Variants in KDM1B observed in about 807,000 individuals in gnomAD.
The protein encoded by KDM1B is lysine-specific histone demethylase 2.
In KDM1B, 63 loss-of-function variants were observed where a neutral mutation model predicts 107.4. The ratio of observed to expected loss-of-function variants is 0.59; its 90% CI spans 0.48 to 0.72. The LOEUF is 0.72. KDM1B is among the 30% of genes least tolerant of loss of function. KDM1B has a pLI of 0.00. For synonymous variants in KDM1B, 363 were observed against 363.9 expected (o/e 1.00, Z 0.03); for missense variants, 749 against 1,020.8 (o/e 0.73, Z 3.63).
intron 5 of KDM1B, among the ~76,000 whole-genome samples, chr6:18,164,622 C>T (rs376762740): frequency 6.6e-6 from 1 of 151,970 alleles, no homozygotes; most frequent in African/African-American, 2.4e-5. Context: ...TGTTTCTTTA[C>T]TTTTTACCTT....
At chr6:18,189,773 A>G (rs967253401) in intron 9 of KDM1B, among the ~76,000 whole-genome samples, 2 of 152,216 alleles carry the variant, frequency 1.3e-5, no homozygotes, top group African/African-American at 4.8e-5. Flanking sequence ...ATGTAACTCC[A>G]CTACTGACAT....
At chr6:18,158,034 C>T (rs12212263) in intron 2 of KDM1B, among the ~76,000 whole-genome samples, 47,421 of 151,638 alleles carry the variant, frequency 0.31, 7,973 homozygotes, top group East Asian at 0.52. Context: ...AGGATGGTCT[C>T]GATCTCCTGA....
In KDM1B at chr6:18,172,784, T is replaced by C. The variant is rs1313617580; in HGVS notation, c.534+1305T>C. 6.6e-6 allele frequency among the ~76,000 whole-genome samples: 1 copy of C among 152,130 alleles called. No individual in the cohort carries two copies. Among genetic ancestry groups the C allele is most frequent in the Admixed American group, 6.6e-5 (1 of 15,246 alleles). On this transcript the variant is annotated intron_variant, in intron 7 of 21. Transcript: ENST00000650836. The surrounding 1 kb of genome is among the most constrained non-coding windows in gnomAD (Gnocchi z 5.2). ...TTCTGTGCCTGGCCTATTCGTTTCT[T>C]ATGAATAAAAACATATTAGGAGTGG...
chr6:18,188,481 T>C (rs1409029500), intron 9 of KDM1B, among the ~76,000 whole-genome samples: 1 of 152,216 alleles, frequency 6.6e-6, no homozygotes, highest in East Asian at 1.9e-4. Flanking sequence ...GAAAAGGTTT[T>C]CAACTATATG....
At chr6:18,207,590 G>T (rs772218167) in intron 16 of KDM1B, 61 bp downstream of exon 16, 2 of 1,601,858 alleles carry the variant, frequency 1.2e-6, no homozygotes, top group Non-Finnish European at 1.7e-6. Context: ...TGAAGTTCTG[G>T]GCATGCGGCT....
At chr6:18,182,546 CT>C (rs113769690) in intron 7 of KDM1B, among the ~76,000 whole-genome samples, 7 of 148,922 alleles carry the variant, frequency 4.7e-5, no homozygotes, top group Admixed American at 2.7e-4. Context: ...TTATTTCATT[CT>C]TTTTTTTTTG....
At chr6:18,188,038 C>T (rs1174081030) in intron 9 of KDM1B, 36 bp downstream of exon 9, 2 of 1,511,084 alleles carry the variant, frequency 1.3e-6, no homozygotes, top group African/African-American at 1.4e-5. Flanking sequence ...GCTTTCTATT[C>T]CCCGCTCCCC....
chr6:18,205,625 C>T lies in KDM1B; in HGVS notation c.1620C>T (p.Leu540=), dbSNP rs1788312340. The T allele has an allele frequency of 6.5e-7, 1 of 1,538,146 alleles. No homozygotes were observed. Among genetic ancestry groups the T allele is most frequent in the East Asian group, 2.5e-5 (1 of 40,106 alleles). The change falls in exon 15 of 22, where the codon CTC becomes CTT. Residue 540 remains leucine (L), a synonymous_variant. Coordinates refer to ENST00000650836, the MANE Select transcript of KDM1B (RefSeq NM_001364614.2). This position sits in a 1 kb window ranked among gnomAD's most constrained non-coding sequence, Gnocchi z 5.7. The stretch of plus-strand genomic sequence containing the variant: ...AGGGACAGGTGCTTCAGTTCCATCT[C>T]AGTAACCTGGAGTACGCCTGTGGCA... The part of the protein sequence containing the change: ...ELEGQVLQFH[L]SNLEYACGSN...
chr6:18,170,409 A>G (rs912535522), intron 6 of KDM1B, among the ~76,000 whole-genome samples: 17 of 152,168 alleles, frequency 1.1e-4, no homozygotes, highest in African/African-American at 3.6e-4. Context: ...TCTAGGATCC[A>G]ACGCAGCATA....
At chr6:18,210,659 G>A (rs986531653) in intron 17 of KDM1B, among the ~76,000 whole-genome samples, 1 of 151,900 alleles carries the variant, frequency 6.6e-6, no homozygotes, top group Admixed American at 6.6e-5. Context: ...CTGCACCTGG[G>A]CTACTCAAGT....
In KDM1B at chr6:18,200,565, A is replaced by G. The variant is rs553888880; in HGVS notation, c.1348A>G (p.Met450Val). The change falls in exon 13 of 22, where the codon ATG becomes GTG. Residue 450 changes from methionine to valine, a missense_variant. Coordinates refer to ENST00000650836, the MANE Select transcript of KDM1B (RefSeq NM_001364614.2). This position sits in a 1 kb window ranked among gnomAD's most constrained non-coding sequence, Gnocchi z 4.3. ...NGCINNPVAL[M>V]CEQLGISMHK... ...GTGTATTAACAACCCAGTAGCATTA[A>G]TGTGTGAACAAGTGAGTTTCTTTTA... is the stretch of plus-strand genomic sequence containing the variant. 44 of 1,611,428 alleles carry G rather than the reference A, an allele frequency of 2.7e-5. No homozygotes were observed. In the South Asian group the frequency reaches 4.7e-4, roughly 17 times the overall value.
rs533016543 is a variant in KDM1B, at chr6:18,210,342, C to CTTTTTTTTTTTTTT, written c.1867-2129_1867-2116dup. ...TCTTTCTTTTTTTTCTCTTTCTTTT[C>CTTTTTTTTTTTTTT]TTTTTTTTTTTTTTTTTTTTTTTTT... is the stretch of plus-strand genomic sequence containing the variant. On this transcript the variant is annotated intron_variant, in intron 17 of 21. Coordinates refer to ENST00000650836, the MANE Select transcript of KDM1B (RefSeq NM_001364614.2). Among the ~76,000 whole-genome samples the CTTTTTTTTTTTTTT allele has an allele frequency of 5.0e-3, 346 of 69,800 alleles. 15 individuals are homozygous for CTTTTTTTTTTTTTT. The highest frequency in any genetic ancestry group is 6.4e-3 in the Non-Finnish European group (216 of 33,874). The allele number at this position is 69,800 out of a possible 152,430, so 45.8% of individuals were successfully genotyped here.
chr6:18,167,744 G>T (rs952657884), intron 6 of KDM1B, among the ~76,000 whole-genome samples: 3 of 152,000 alleles, frequency 2.0e-5, no homozygotes, highest in Admixed American at 6.6e-5. Flanking sequence ...ACAGTGCTGG[G>T]ATTACAGACA....
At chr6:18,217,381 T>C (rs1262667972) in intron 20 of KDM1B, among the ~76,000 whole-genome samples, 1 of 146,920 alleles carries the variant, frequency 6.8e-6, no homozygotes, top group Non-Finnish European at 1.5e-5. Context: ...CTCCCTTCTT[T>C]TTTTTTTTTT....
rs116538237 is a variant in KDM1B at position 18,191,979 on chromosome 6, C to T, written c.969+598C>T. Among the ~76,000 whole-genome samples the T allele has an allele frequency of 0.038, 5,743 of 152,218 alleles. 121 individuals are homozygous for T. Among genetic ancestry groups the T allele is most frequent in the Middle Eastern group, 0.068 (20 of 294 alleles). ...TAGCTAAAAACAAAAAACAAAGGGG[C>T]TGGGTGAAGTGGCTTGTGTCTGTAA... On this transcript the variant is annotated intron_variant, in intron 10 of 21. Transcript: ENST00000650836. This position sits in a 1 kb window ranked among gnomAD's most constrained non-coding sequence, Gnocchi z 5.1.
At chr6:18,166,546 T>A (rs1215633414) in intron 6 of KDM1B, among the ~76,000 whole-genome samples, 168 bp downstream of exon 6, 1 of 152,178 alleles carries the variant, frequency 6.6e-6, no homozygotes, top group East Asian at 1.9e-4. Flanking sequence ...TTCAACATAG[T>A]ATAAAAGAGG....
intron 21 of KDM1B, among the ~76,000 whole-genome samples, chr6:18,220,206 G>C (rs1366785500): frequency 6.6e-6 from 1 of 152,198 alleles, no homozygotes; most frequent in African/African-American, 2.4e-5. Context: ...ATATGGTTTA[G>C]AAGTACACGT....
At position 18,213,631 on chromosome 6, in the gene KDM1B, C is replaced by G. The variant is rs1393953661; in HGVS notation, c.1984-25C>G. 1.2e-6 allele frequency: 2 copies of G among 1,613,388 alleles called. No individual in the cohort carries two copies. The highest frequency in any genetic ancestry group is 1.7e-6 in the Non-Finnish European group (2 of 1,179,492). The stretch of plus-strand genomic sequence containing the variant: ...GGTTTTGTGACGACAGACACCTAAC[C>G]ACCTTTCTTCTGCTCACTTTGCAGA... On this transcript the variant is annotated intron_variant, in intron 18 of 21. Transcript: ENST00000650836. The surrounding 1 kb of genome is among the most constrained non-coding windows in gnomAD (Gnocchi z 5.9).
At chr6:18,178,960 G>C (rs1786239760) in intron 7 of KDM1B, among the ~76,000 whole-genome samples, 1 of 152,172 alleles carries the variant, frequency 6.6e-6, no homozygotes, top group African/African-American at 2.4e-5. Context: ...TTCTATAGAA[G>C]TGATGAGAGC....
Sources: allele counts gnomAD v4.1 joint callset (sites outside exome capture counted in the v4.1 genomes callset), GRCh38; gene constraint gnomAD v4.1.1; non-coding constraint Gnocchi (gnomAD v3.1); transcripts MANE v1.5; gene names NCBI Gene and HGNC (gene_info 2026-07-23, HGNC 2026-07-21).